Variants in SLC35F1 observed in about 807,000 individuals in gnomAD.
SLC35F1 encodes the protein chromosome 6 open reading frame 169.
Under a neutral mutation model 48.7 loss-of-function variants are expected in SLC35F1, and 14 were observed. The observed-to-expected ratio is 0.29, with a 90% CI of 0.19 to 0.45. The LOEUF (loss-of-function observed/expected upper bound fraction) is 0.45. Ranked by LOEUF, SLC35F1 falls within the 20% of genes least tolerant of loss-of-function variation. The pLI is 1.00. For missense variants in SLC35F1, 404 were observed against 500.0 expected (o/e 0.81, Z 1.83); for synonymous variants, 190 against 202.2 (o/e 0.94, Z 0.51).
intron 1 of SLC35F1, among the ~76,000 whole-genome samples, chr6:117,970,220 A>G (rs1212071926): frequency 6.6e-6 from 1 of 152,192 alleles, no homozygotes; most frequent in Non-Finnish European, 1.5e-5. Context: ...GTGTTCACAG[A>G]GTTCACCTAT....
intron 1 of SLC35F1, among the ~76,000 whole-genome samples, chr6:118,029,418 T>C (rs1216054132): frequency 6.6e-6 from 1 of 152,178 alleles, no homozygotes; most frequent in Non-Finnish European, 1.5e-5. Flanking sequence ...TTTATTACCA[T>C]GTATTGCTAG....
intron 1 of SLC35F1, among the ~76,000 whole-genome samples, chr6:117,989,448 A>G (rs1182484156): frequency 6.6e-6 from 1 of 152,028 alleles, no homozygotes; most frequent in Non-Finnish European, 1.5e-5. Context: ...AAGACCTCCT[A>G]CTCAAAATAA....
intron 2 of SLC35F1, among the ~76,000 whole-genome samples, chr6:118,159,786 G>A (rs743927): frequency 0.23 from 35,446 of 152,032 alleles, 4,496 homozygotes; most frequent in East Asian, 0.37. Context: ...CTAACTTTTT[G>A]CCCATAAGTT....
At chr6:118,114,646 G>A (rs1773453264) in intron 1 of SLC35F1, among the ~76,000 whole-genome samples, 1 of 152,106 alleles carries the variant, frequency 6.6e-6, no homozygotes, top group Non-Finnish European at 1.5e-5. Context: ...AAAGTGCTGG[G>A]ATTACAGGCG....
chr6:118,054,677 A>G (rs1012038036), intron 1 of SLC35F1, among the ~76,000 whole-genome samples: 4 of 152,214 alleles, frequency 2.6e-5, no homozygotes, highest in Non-Finnish European at 4.4e-5. Context: ...CTCTTCAGTT[A>G]GAACCGATGG....
chr6:118,036,486 T>G (rs1283399885), intron 1 of SLC35F1, among the ~76,000 whole-genome samples: 2 of 152,198 alleles, frequency 1.3e-5, no homozygotes, highest in East Asian at 3.8e-4. Context: ...TCTGCAGTCG[T>G]AAGATGTAGT....
intron 1 of SLC35F1, among the ~76,000 whole-genome samples, chr6:117,990,614 C>G (rs746156554): frequency 6.6e-6 from 1 of 152,222 alleles, no homozygotes; most frequent in Non-Finnish European, 1.5e-5. Flanking sequence ...TGTACACCAG[C>G]TCATTTGTTC....
intron 1 of SLC35F1, among the ~76,000 whole-genome samples, chr6:118,071,711 G>T (rs963901480): frequency 6.6e-6 from 1 of 152,086 alleles, no homozygotes; most frequent in East Asian, 1.9e-4. Context: ...GTATTATATG[G>T]TAAGAATCAT....
intron 1 of SLC35F1, among the ~76,000 whole-genome samples, chr6:117,985,886 G>T (rs1371929418): frequency 6.6e-6 from 1 of 152,178 alleles, no homozygotes; most frequent in Non-Finnish European, 1.5e-5. Flanking sequence ...TCGCTAACGT[G>T]AATGAAAATG....
chr6:117,968,130 G>T (rs1160330094), intron 1 of SLC35F1, among the ~76,000 whole-genome samples: 1 of 152,120 alleles, frequency 6.6e-6, no homozygotes. Context: ...AATTACTGCA[G>T]AAATGCATTC....
intron 2 of SLC35F1, among the ~76,000 whole-genome samples, chr6:118,167,214 G>A (rs749237152): frequency 2.5e-4 from 38 of 152,054 alleles, no homozygotes; most frequent in Non-Finnish European, 4.6e-4. Flanking sequence ...CGAGTAAAGA[G>A]TCCCTGTAAC....
At chr6:118,230,202 T>C (rs776950936) in intron 2 of SLC35F1, among the ~76,000 whole-genome samples, 82 of 152,150 alleles carry the variant, frequency 5.4e-4, no homozygotes, top group Non-Finnish European at 8.8e-4. Flanking sequence ...TAGCTGGGCA[T>C]AGTGGCACGT....
chr6:118,169,271 A>G (rs17335798), intron 2 of SLC35F1, among the ~76,000 whole-genome samples: 14,617 of 152,222 alleles, frequency 0.096, 907 homozygotes, highest in South Asian at 0.24. Flanking sequence ...ACCAAAATTT[A>G]TGAGCAAAAT....
At chr6:118,145,834 G>A (rs191750567) in intron 1 of SLC35F1, among the ~76,000 whole-genome samples, 14 of 152,222 alleles carry the variant, frequency 9.2e-5, no homozygotes, top group African/African-American at 3.1e-4. Context: ...TTCATTAAAT[G>A]TAATAATAAT....
At chr6:117,962,451 A>G (rs1776510561) in intron 1 of SLC35F1, among the ~76,000 whole-genome samples, 1 of 152,194 alleles carries the variant, frequency 6.6e-6, no homozygotes, top group Non-Finnish European at 1.5e-5. Context: ...TTGCTTTTTA[A>G]AAATGCAAGT....
At chr6:118,313,403 T>G (rs1776393392) in intron 7 of SLC35F1, among the ~76,000 whole-genome samples, 1 of 152,224 alleles carries the variant, frequency 6.6e-6, no homozygotes, top group African/African-American at 2.4e-5. Context: ...AAGCAGAATG[T>G]TGTATATACA....
intron 1 of SLC35F1, among the ~76,000 whole-genome samples, chr6:118,073,293 G>A (rs1433824277): frequency 6.6e-6 from 1 of 152,176 alleles, no homozygotes; most frequent in Non-Finnish European, 1.5e-5. Context: ...TGTTGGGACA[G>A]CATAGATTTG....
intron 1 of SLC35F1, among the ~76,000 whole-genome samples, chr6:117,934,685 T>G (rs9374690): frequency 0.22 from 33,177 of 152,088 alleles, 4,020 homozygotes; most frequent in African/African-American, 0.32. Context: ...TATTTAATGG[T>G]TTCATATAAA....
chr6:117,992,477 T>C (rs1165005106), intron 1 of SLC35F1, among the ~76,000 whole-genome samples: 1 of 152,248 alleles, frequency 6.6e-6, no homozygotes, highest in Non-Finnish European at 1.5e-5. Flanking sequence ...TCTTGTCTTC[T>C]CTCAGTTATC....
Sources: gnomAD v4.1 joint callset for allele counts (sites outside exome capture counted in the v4.1 genomes callset) on GRCh38, gnomAD v4.1.1 for gene constraint, MANE v1.5 for transcripts, NCBI Gene and HGNC (gene_info 2026-07-23, HGNC 2026-07-21) for gene names.